ALK: variants seen among roughly 807,000 people sequenced by gnomAD.
ALK encodes the protein ALK receptor tyrosine kinase, also known as ALK tyrosine kinase receptor.
In ALK, 74 loss-of-function variants were observed where a neutral mutation model predicts 163.1. That is an observed-to-expected ratio of 0.45 (90% CI 0.38 to 0.55). The LOEUF is 0.55. Among genes scored for constraint, ALK ranks in the 20% least tolerant of loss-of-function variants. ALK has a pLI of 0.00. For synonymous variants in ALK, 960 were observed against 843.2 expected (o/e 1.14, Z -2.40); for missense variants, 2,063 against 2,105.3 (o/e 0.98, Z 0.39).
chr2:29,760,813 G>T (rs1252166190), intron 1 of ALK, among the ~76,000 whole-genome samples: 1 of 152,170 alleles, frequency 6.6e-6, no homozygotes, highest in Non-Finnish European at 1.5e-5. Context: ...AAAACCTATA[G>T]TAAAACCAGG....
chr2:29,298,409 C>G (rs1043048411), intron 8 of ALK, among the ~76,000 whole-genome samples: 7 of 152,172 alleles, frequency 4.6e-5, no homozygotes, highest in Non-Finnish European at 1.0e-4. Context: ...AACTGTAAAC[C>G]CTTTCAGCTC....
At chr2:29,258,277 G>A (rs1665000763) in intron 11 of ALK, among the ~76,000 whole-genome samples, 1 of 152,100 alleles carries the variant, frequency 6.6e-6, no homozygotes, top group African/African-American at 2.4e-5. Context: ...CAAGACTACA[G>A]GTCATGTTCT....
intron 8 of ALK, among the ~76,000 whole-genome samples, chr2:29,297,700 G>T (rs1209754872): frequency 5.9e-5 from 9 of 152,202 alleles, no homozygotes; most frequent in Admixed American, 3.9e-4. Flanking sequence ...AGTTACAACT[G>T]TGTTTTTCAT....
intron 2 of ALK, among the ~76,000 whole-genome samples, chr2:29,716,881 A>C (rs1031431438): frequency 1.3e-5 from 2 of 150,932 alleles, no homozygotes; most frequent in Non-Finnish European, 1.5e-5. Flanking sequence ...ACGGTGGCTC[A>C]CTCCTGTAAT....
intron 1 of ALK, among the ~76,000 whole-genome samples, chr2:29,764,129 G>A (rs147346682): frequency 6.6e-6 from 1 of 152,166 alleles, no homozygotes; most frequent in Non-Finnish European, 1.5e-5. Flanking sequence ...CCCTATTTGG[G>A]GTCAATCCCC....
chr2:29,431,767 A>C (rs980681788), intron 4 of ALK, among the ~76,000 whole-genome samples: 4 of 152,150 alleles, frequency 2.6e-5, no homozygotes, highest in African/African-American at 4.8e-5. Flanking sequence ...ATGGAAGCTG[A>C]ATCAATCTGT....
intron 8 of ALK, among the ~76,000 whole-genome samples, chr2:29,315,060 T>C (rs1210996796): frequency 2.0e-5 from 3 of 152,096 alleles, no homozygotes; most frequent in Admixed American, 6.5e-5. Context: ...TCAGAATATA[T>C]TGTAAGTGGC....
chr2:29,331,819 C>T (rs763527882), intron 5 of ALK, among the ~76,000 whole-genome samples: 4 of 152,168 alleles, frequency 2.6e-5, no homozygotes, highest in East Asian at 1.9e-4. Context: ...GGCCAGTGTC[C>T]TCTTTGCCCC....
chr2:29,285,776 T>G (rs1347008824), intron 9 of ALK, among the ~76,000 whole-genome samples: 2 of 150,284 alleles, frequency 1.3e-5, no homozygotes, highest in Non-Finnish European at 3.0e-5. Flanking sequence ...TTGGCCAGGC[T>G]GGTCTTGAAC....
At position 29,235,356 on chromosome 2, in the gene ALK, G is replaced by A. The variant is rs185305619; in HGVS notation, c.2356-1660C>T. 1.9e-3 allele frequency among the ~76,000 whole-genome samples: 296 copies of A among 152,314 alleles called. 2 individuals are homozygous for A. Among genetic ancestry groups the A allele is most frequent in the Non-Finnish European group, 2.5e-3 (170 of 68,034 alleles). On this transcript the variant is annotated intron_variant, in intron 13 of 28. Coordinates refer to ENST00000389048, the MANE Select transcript of ALK (RefSeq NM_004304.5). ...CACTTCTTACGCTAAAGCGCTCAGGGGTGCCGGCAATGAGTACTACAGAAA... is the reference window on the plus strand; with the variant it reads ...CACTTCTTACGCTAAAGCGCTCAGGAGTGCCGGCAATGAGTACTACAGAAA...
At chr2:29,301,095 C>A (rs1666355177) in intron 8 of ALK, among the ~76,000 whole-genome samples, 1 of 152,216 alleles carries the variant, frequency 6.6e-6, no homozygotes, top group Non-Finnish European at 1.5e-5. Context: ...GCAATCCACA[C>A]AAGGAAGCTG....
chr2:29,442,443 T>C (rs997747180), intron 4 of ALK, among the ~76,000 whole-genome samples: 3 of 152,166 alleles, frequency 2.0e-5, no homozygotes, highest in Non-Finnish European at 4.4e-5. Context: ...TTTGAGGCAG[T>C]GTGGGATGGA....
At chr2:29,849,813 G>A (rs2148400013) in intron 1 of ALK, among the ~76,000 whole-genome samples, 1 of 152,244 alleles carries the variant, frequency 6.6e-6, no homozygotes, top group East Asian at 1.9e-4. Flanking sequence ...GAAGGGGAGA[G>A]GAGAGGGGAG....
At chr2:29,539,489 A>G (rs1476673099) in intron 3 of ALK, among the ~76,000 whole-genome samples, 1 of 152,154 alleles carries the variant, frequency 6.6e-6, no homozygotes, top group Non-Finnish European at 1.5e-5. Flanking sequence ...TTTAATCTAC[A>G]GACAATTATT....
intron 1 of ALK, among the ~76,000 whole-genome samples, chr2:29,876,475 G>A (rs1002666445): frequency 1.3e-5 from 2 of 149,634 alleles, no homozygotes; most frequent in Admixed American, 6.7e-5. Flanking sequence ...TGTGATGATG[G>A]TGGTGATGGT....
chr2:29,394,327 A>AAAG (rs1553310773), intron 4 of ALK, among the ~76,000 whole-genome samples: 42 of 151,832 alleles, frequency 2.8e-4, no homozygotes, highest in Admixed American at 2.2e-3. Flanking sequence ...AGAAAAAAAA[A>AAAG]AAAGAAAGAA....
chr2:29,510,083 A>G (rs980452511), intron 4 of ALK, among the ~76,000 whole-genome samples: 2 of 152,180 alleles, frequency 1.3e-5, no homozygotes, highest in Non-Finnish European at 2.9e-5. Flanking sequence ...AGTCCCTGAC[A>G]TTCTTGTGGC....
chr2:29,713,467 T>C (rs1054081175), intron 2 of ALK, among the ~76,000 whole-genome samples: 1 of 152,206 alleles, frequency 6.6e-6, no homozygotes, highest in Admixed American at 6.5e-5. Context: ...TTACTTGGCC[T>C]GCCTGGGATA....
At chr2:29,290,613 T>C (rs1014315260) in intron 9 of ALK, among the ~76,000 whole-genome samples, 1 of 152,250 alleles carries the variant, frequency 6.6e-6, no homozygotes, top group Non-Finnish European at 1.5e-5. Flanking sequence ...ACCTTGTGGC[T>C]GGGGTCTCCT....
Sources: allele counts gnomAD v4.1 joint callset (sites outside exome capture counted in the v4.1 genomes callset), GRCh38; gene constraint gnomAD v4.1.1; transcripts MANE v1.5; gene names NCBI Gene and HGNC (gene_info 2026-07-23, HGNC 2026-07-21).